The following PTDSS1 variants were observed in gnomAD, a reference collection of about 807,000 sequenced individuals.
PTDSS1 encodes phosphatidylserine synthase 1, also known as PSS-1.
A neutral mutation model predicts 70.5 loss-of-function variants in PTDSS1; 45 were observed. The observed-to-expected ratio is 0.64, with a 90% CI of 0.50 to 0.82. PTDSS1 has a LOEUF of 0.82. Ranked by LOEUF, PTDSS1 falls within the 40% of genes least tolerant of loss-of-function variation. PTDSS1 has a pLI of 0.00. For missense variants in PTDSS1, 417 were observed against 586.1 expected, an observed-to-expected ratio of 0.71 and a Z score of 2.98; for synonymous variants, 188 against 203.8, an observed-to-expected ratio of 0.92 and a Z score of 0.66.
At chr8:96,333,376 C>A in intron 12 of PTDSS1, 81 bp from the exon 13 acceptor site, 1 of 1,269,322 alleles carries the variant, frequency 7.9e-7, no homozygotes, top group Non-Finnish European at 1.1e-6. Flanking sequence ...TGTTCCCCGG[C>A]AAGCCTAGGG....
At chr8:96,294,536 G>A (rs1810948551) in intron 4 of PTDSS1, among the ~76,000 whole-genome samples, 1 of 152,120 alleles carries the variant, frequency 6.6e-6, no homozygotes, top group African/African-American at 2.4e-5. Flanking sequence ...TATTTTTGGG[G>A]AGGGGAGTTC....
chr8:96,316,900 A>G (rs1811297328), intron 9 of PTDSS1, among the ~76,000 whole-genome samples: 1 of 152,078 alleles, frequency 6.6e-6, no homozygotes, highest in Admixed American at 6.5e-5. Context: ...AGGCTGAGGC[A>G]GGAGAATCAC....
intron 9 of PTDSS1, among the ~76,000 whole-genome samples, chr8:96,311,325 A>G (rs903926783): frequency 3.9e-5 from 6 of 152,246 alleles, no homozygotes; most frequent in African/African-American, 1.2e-4. Context: ...GTATGAGAGT[A>G]TAAAGAAAAA....
At chr8:96,328,102 CG>C (rs1811464084) in intron 10 of PTDSS1, among the ~76,000 whole-genome samples, 1 of 152,106 alleles carries the variant, frequency 6.6e-6, no homozygotes, top group Admixed American at 6.5e-5. Flanking sequence ...CTGGAGGGAG[CG>C]GCAGCTGCCA....
At chr8:96,265,453 C>T (rs1810472734) in intron 1 of PTDSS1, among the ~76,000 whole-genome samples, 1 of 152,068 alleles carries the variant, frequency 6.6e-6, no homozygotes. Context: ...CCCTGTTAAA[C>T]CATAGTATTT....
chr8:96,298,270 C>T (rs1246044634), intron 5 of PTDSS1, among the ~76,000 whole-genome samples: 1 of 152,178 alleles, frequency 6.6e-6, no homozygotes, highest in Non-Finnish European at 1.5e-5. Flanking sequence ...AAAAATTCCT[C>T]ATATTTATAA....
At chr8:96,328,075 T>G (rs958443290) in intron 10 of PTDSS1, among the ~76,000 whole-genome samples, 1 of 152,192 alleles carries the variant, frequency 6.6e-6, no homozygotes. Context: ...CGTTCTCCAC[T>G]TGCCTGCTGT....
rs1036126267 is a variant in PTDSS1, at chr8:96,336,523, G to A, written c.*2957G>A. ...GCTAGCCCTTTAAAATACGGGGTTGGGGGGTTAACATCCGCTCTTTGGAAT... is the reference window on the plus strand; with the variant it reads ...GCTAGCCCTTTAAAATACGGGGTTGAGGGGTTAACATCCGCTCTTTGGAAT... On this transcript the variant is annotated 3_prime_UTR_variant, in exon 13 of 13. Transcript: ENST00000517309. The A allele has an allele frequency of 2.6e-5, 4 of 152,020 alleles. No homozygotes were observed. Among genetic ancestry groups the A allele is most frequent in the East Asian group, 1.9e-4 (1 of 5,186 alleles). The allele number at this position is 152,020 out of a possible 1,614,324, so 9.4% of individuals were successfully genotyped here.
chr8:96,276,111 T>C (rs954846347), intron 2 of PTDSS1, among the ~76,000 whole-genome samples: 4 of 152,244 alleles, frequency 2.6e-5, no homozygotes, highest in Non-Finnish European at 5.9e-5. Flanking sequence ...TGGCTCCTTA[T>C]GAAAAATTTG....
chr8:96,283,108 A>G (rs779800590), intron 2 of PTDSS1, among the ~76,000 whole-genome samples: 1 of 152,210 alleles, frequency 6.6e-6, no homozygotes, highest in Non-Finnish European at 1.5e-5. Context: ...CCAGGGCTAG[A>G]GAAACAGAGA....
At chr8:96,276,488 G>T (rs534746272) in intron 2 of PTDSS1, among the ~76,000 whole-genome samples, 41 of 152,228 alleles carry the variant, frequency 2.7e-4, no homozygotes, top group African/African-American at 9.4e-4. Flanking sequence ...TTTGTGATAC[G>T]CACAAAGGGA....
intron 2 of PTDSS1, among the ~76,000 whole-genome samples, chr8:96,274,453 C>T (rs1563561774): frequency 2.0e-5 from 3 of 152,094 alleles, no homozygotes; most frequent in Non-Finnish European, 4.4e-5. Flanking sequence ...CAGCCGGGTG[C>T]GGCGGCTCAT....
At chr8:96,278,591 G>A (rs902983834) in intron 2 of PTDSS1, among the ~76,000 whole-genome samples, 8 of 152,202 alleles carry the variant, frequency 5.3e-5, no homozygotes, top group African/African-American at 1.2e-4. Context: ...TTACAAAAAT[G>A]TTTTAATGGC....
chr8:96,334,165 T>C lies in PTDSS1; in HGVS notation c.*599T>C, dbSNP rs1311602639. On this transcript the variant is annotated 3_prime_UTR_variant, in exon 13 of 13. Transcript: ENST00000517309. ...GCAGAAAAGGGAGAGAGGTGTTGTA[T>C]TCCTGTTTGGTAACCTCAGTCTCCT... is the stretch of plus-strand genomic sequence containing the variant. 1 of 213,474 alleles carries C rather than the reference T, an allele frequency of 4.7e-6. No homozygotes were observed. The highest frequency in any genetic ancestry group is 1.1e-4 in the East Asian group (1 of 8,892). 13.2% of individuals were successfully genotyped at this position (213,474 alleles called of 1,614,324 possible).
intron 10 of PTDSS1, among the ~76,000 whole-genome samples, chr8:96,324,110 C>T (rs564347932): frequency 7.6e-4 from 116 of 152,322 alleles, no homozygotes; most frequent in African/African-American, 2.7e-3. Context: ...GCCCTTTACT[C>T]CACTTTCCAA....
At chr8:96,329,878 C>G (rs2130183343) in intron 10 of PTDSS1, among the ~76,000 whole-genome samples, 1 of 152,338 alleles carries the variant, frequency 6.6e-6, no homozygotes, top group South Asian at 2.1e-4. Context: ...AAAATCAGAA[C>G]TAGAACATAG....
intron 1 of PTDSS1, 41 bp from the exon 2 acceptor site, chr8:96,273,258 G>C: frequency 7.0e-7 from 1 of 1,435,784 alleles, no homozygotes. Context: ...TTTCTATTTG[G>C]ATCTGAAAGT....
intron 6 of PTDSS1, among the ~76,000 whole-genome samples, chr8:96,303,746 T>C (rs1021239967): frequency 2.0e-5 from 3 of 152,126 alleles, no homozygotes; most frequent in African/African-American, 7.2e-5. Context: ...AAAGAAGTGT[T>C]GTGGGTGATG....
At chr8:96,304,281 T>G (rs1049838562) in intron 7 of PTDSS1, 100 bp downstream of exon 7, 7 of 1,337,122 alleles carry the variant, frequency 5.2e-6, no homozygotes, top group Non-Finnish European at 7.1e-6. Context: ...GCTTTTCAGC[T>G]CCATACTTTA....
Sources: gnomAD v4.1 joint callset for allele counts (sites outside exome capture counted in the v4.1 genomes callset) on GRCh38, gnomAD v4.1.1 for gene constraint, MANE v1.5 for transcripts, NCBI Gene and HGNC (gene_info 2026-07-23, HGNC 2026-07-21) for gene names.